NLRP12: variants seen among roughly 807,000 people sequenced by gnomAD.
NLRP12 encodes the protein NLR family pyrin domain containing 12.
In NLRP12, 108 loss-of-function variants were observed where a neutral mutation model predicts 91.2. The observed-to-expected ratio is 1.18, with a 90% confidence interval of 1.01 to 1.39. The LOEUF is 1.39. Ranked by LOEUF, NLRP12 falls within the 40% of genes most tolerant of loss-of-function variation. NLRP12 has a pLI of 0.00. For missense variants in NLRP12, 1,530 were observed against 1,352.7 expected, an observed-to-expected ratio of 1.13 and a Z score of -2.06; for synonymous variants, 613 against 566.7, an observed-to-expected ratio of 1.08 and a Z score of -1.16.
chr19:53,810,986 T>C lies in NLRP12; in HGVS notation c.673A>G (p.Met225Val). ...MQGAAGIGKS[M>V]LAHKVMLDWA... ...TCCAGCATCACCTTGTGTGCCAGCA[T>C]GGACTTGCCTATCCCTGCCGCGCCT... The change falls in exon 3 of 10, where the codon ATG becomes GTG. Residue 225 changes from methionine to valine, a missense_variant. By Grantham distance (21) the Met-to-Val change is conservative. Transcript: ENST00000324134. 3.1e-6 allele frequency: 5 copies of C among 1,614,174 alleles called. No individual in the cohort carries two copies. Among genetic ancestry groups the C allele is most frequent in the Non-Finnish European group, 4.2e-6 (5 of 1,180,030 alleles).
chr19:53,808,228 A>C, intron 3 of NLRP12: 1 of 183,196 alleles, frequency 5.5e-6, no homozygotes, highest in Non-Finnish European at 1.2e-5. Flanking sequence ...CAGCTAATTT[A>C]TTTTATATTT....
At position 53,810,292 on chromosome 19, in the gene NLRP12, G is replaced by A; in HGVS notation, c.1367C>T (p.Pro456Leu). ...CAAGGAGCACAACCCTCTCTGGTTG[G>A]GTGGGGGCTGGAGGCGCGGGGCCCC... Reference protein sequence around the residue: ...KPGAPRLQPPPNQRGLCSLAA... With the variant: ...KPGAPRLQPPLNQRGLCSLAA... Residue 456 changes from proline (P) to leucine (L), a missense_variant, in exon 3 of 10, where the codon CCC becomes CTC. Physicochemically the swap from Pro to Leu is moderately conservative, Grantham distance 98 (BLOSUM62 -3). Transcript: ENST00000324134. 1 of 1,613,974 alleles carries A rather than the reference G, an allele frequency of 6.2e-7. No individual in the cohort carries two copies. Among genetic ancestry groups the A allele is most frequent in the Non-Finnish European group, 8.5e-7 (1 of 1,180,020 alleles).
At chr19:53,798,220 C>A (rs778772485) in intron 8 of NLRP12, 23 bp downstream of exon 8, 28 of 1,613,972 alleles carry the variant, frequency 1.7e-5, no homozygotes, top group Non-Finnish European at 1.6e-5. Flanking sequence ...ACCACTGCCA[C>A]CCCGTCACTC....
intron 6 of NLRP12, among the ~76,000 whole-genome samples, chr19:53,802,579 C>A (rs113209913): frequency 1.3e-5 from 2 of 151,108 alleles, no homozygotes; most frequent in Non-Finnish European, 3.0e-5. Flanking sequence ...TGGTGGCAGG[C>A]GCCTGTAGTC....
intron 1 of NLRP12, among the ~76,000 whole-genome samples, chr19:53,823,425 T>TATATTTAAAAC (rs2092292973): frequency 3.7e-5 from 4 of 108,998 alleles, no homozygotes; most frequent in Non-Finnish European, 7.3e-5. Context: ...GTTTTAAATA[T>TATATTTAAAAC]ATATATTTAA....
At chr19:53,813,868 G>GTT (rs145771730) in intron 2 of NLRP12, among the ~76,000 whole-genome samples, 23 of 148,818 alleles carry the variant, frequency 1.5e-4, no homozygotes, top group Admixed American at 6.1e-4. Context: ...TCGATTTTTT[G>GTT]TTTTTTTTTG....
At chr19:53,808,438 A>T (rs1287421581) in intron 3 of NLRP12, 1 of 153,360 alleles carries the variant, frequency 6.5e-6, no homozygotes, top group Non-Finnish European at 1.4e-5. Flanking sequence ...GATAAAAGGG[A>T]TATAGAGGCT....
At chr19:53,800,931 A>T (rs2091858276) in intron 7 of NLRP12, among the ~76,000 whole-genome samples, 1 of 152,032 alleles carries the variant, frequency 6.6e-6, no homozygotes, top group African/African-American at 2.4e-5. Flanking sequence ...GCAGTGGCTC[A>T]AGCCTGTAAT....
Position 53,809,903 on chromosome 19 carries a change from G to C in NLRP12, c.1756C>G (p.His586Asp). The change falls in exon 3 of 10, where the codon CAC becomes GAC. Residue 586 changes from histidine (H) to aspartate (D), a missense_variant. Coordinates refer to ENST00000324134, the MANE Select transcript of NLRP12 (RefSeq NM_144687.4). ...EKSLCWKVSP[H>D]IKMDLLQWIQ... Reference sequence around the variant, plus strand: ...CACTGCAACAGGTCCATCTTGATGTGCGGCGAGACCTTCCAGCAGAGACTC... The same window carrying C: ...CACTGCAACAGGTCCATCTTGATGTCCGGCGAGACCTTCCAGCAGAGACTC... The C allele has an allele frequency of 6.2e-7, 1 of 1,614,032 alleles. No individual in the cohort carries two copies. Among genetic ancestry groups the C allele is most frequent in the South Asian group, 1.1e-5 (1 of 91,078 alleles).
intron 8 of NLRP12, among the ~76,000 whole-genome samples, chr19:53,798,026 C>A (rs1019011693): frequency 6.6e-6 from 1 of 152,216 alleles, no homozygotes; most frequent in South Asian, 2.1e-4. Flanking sequence ...TGCGCCATCG[C>A]GCCTGGCCTT....
rs780751328 is a variant in NLRP12, at chr19:53,811,225, G to T, written c.434C>A (p.Ala145Glu). ...GAGGTTGACACATTCCCCTAGGCGC[G>T]CATTGCGGTCTTCCATGAGCCGGAA... ...RKFRLMEDRN[A>E]RLGECVNLSH... Residue 145 changes from alanine to glutamate, a missense_variant, in exon 3 of 10, where the codon GCG becomes GAG. Ala to Glu is a moderately radical substitution (Grantham distance 107). Coordinates refer to ENST00000324134, the MANE Select transcript of NLRP12 (RefSeq NM_144687.4). The T allele has an allele frequency of 6.2e-7, 1 of 1,614,092 alleles. No individual in the cohort carries two copies. The highest frequency in any genetic ancestry group is 8.5e-7 in the Non-Finnish European group (1 of 1,180,016).
chr19:53,796,440 G>T (rs115680153), intron 8 of NLRP12, among the ~76,000 whole-genome samples: 1,657 of 151,970 alleles, frequency 0.011, 31 homozygotes, highest in African/African-American at 0.038. Flanking sequence ...GTAGAGAGAG[G>T]GTTTCACCTT....
At chr19:53,820,337 C>A (rs896412888) in intron 1 of NLRP12, among the ~76,000 whole-genome samples, 3 of 152,108 alleles carry the variant, frequency 2.0e-5, no homozygotes, top group African/African-American at 7.2e-5. Context: ...CGAGACCAGC[C>A]TGACCAACAC....
intron 4 of NLRP12, among the ~76,000 whole-genome samples, chr19:53,807,132 A>G (rs931283108): frequency 1.3e-5 from 2 of 151,960 alleles, no homozygotes; most frequent in African/African-American, 4.8e-5. Flanking sequence ...CAGTGGCACA[A>G]TCCCGGCTCA....
At position 53,801,355 on chromosome 19, in the gene NLRP12, C is replaced by T; in HGVS notation, c.2628G>A (p.Leu876=). 1.2e-6 allele frequency: 2 copies of T among 1,613,954 alleles called. No homozygotes were observed. The highest frequency in any genetic ancestry group is 1.1e-5 in the South Asian group (1 of 91,080). Residue 876 remains leucine, a synonymous_variant, in exon 7 of 10, where the codon CTG becomes CTA. Transcript: ENST00000324134. Reference sequence around the variant, plus strand: ...TCTGGTTCACACTGAGAGTTGAGGCCAGCTCGTCACAGGCAGCAGCAGTGA... The same window carrying T: ...TCTGGTTCACACTGAGAGTTGAGGCTAGCTCGTCACAGGCAGCAGCAGTGA... ...CRLTAAACDE[L]ASTLSVNQSL...
At position 53,804,142 on chromosome 19, in the gene NLRP12, T is replaced by G. The variant is rs1432095321; in HGVS notation, c.2415-20A>C. 1 of 1,613,372 alleles carries G rather than the reference T, an allele frequency of 6.2e-7. No homozygotes were observed. Among genetic ancestry groups the G allele is most frequent in the African/African-American group, 1.3e-5 (1 of 74,900 alleles). On this transcript the variant is annotated intron_variant, in intron 5 of 9. Coordinates refer to ENST00000324134, the MANE Select transcript of NLRP12 (RefSeq NM_144687.4). Reference sequence around the variant, plus strand: ...CTCAACCTTGGGAGGAAGGAGAGGTTGAAGGGGACGCCATCTTGCTTTTCT... The same window carrying G: ...CTCAACCTTGGGAGGAAGGAGAGGTGGAAGGGGACGCCATCTTGCTTTTCT...
rs1349204824 is a variant in NLRP12, at chr19:53,805,379, A to G, written c.2315T>C (p.Leu772Ser). Residue 772 changes from leucine to serine, a missense_variant, in exon 5 of 10, where the codon TTG becomes TCG. By Grantham distance (145) the Leu-to-Ser change is moderately radical. Transcript: ENST00000324134. ...LSAALIANKN[L>S]TRMDLSGNGV... ...GTTGCCACTGAGATCCATCCTTGTC[A>G]AATTCTTATTGGCTATGAGAGCTGC... 6.2e-7 allele frequency: 1 copy of G among 1,613,988 alleles called. No individual in the cohort carries two copies. Among genetic ancestry groups the G allele is most frequent in the South Asian group, 1.1e-5 (1 of 91,074 alleles).
At chr19:53,815,491 T>G (rs2092144878) in intron 1 of NLRP12, among the ~76,000 whole-genome samples, 1 of 152,016 alleles carries the variant, frequency 6.6e-6, no homozygotes, top group Non-Finnish European at 1.5e-5. Context: ...CCTCCCAAAG[T>G]GCTGGGTTTA....
rs2091812316 is a variant in NLRP12, at chr19:53,798,534, T to G, written c.2757-121A>C. 3.2e-6 allele frequency: 3 copies of G among 944,392 alleles called. No homozygotes were observed. In the Admixed American group the frequency reaches 6.2e-5, roughly 20 times the overall value. The allele number at this position is 944,392 out of a possible 1,614,324, so 58.5% of individuals were successfully genotyped here. ...GAGGGACAGACTCAATCTCTACCCTTGAGAGACAAAAAGAAAAAGACGACA... is the reference window on the plus strand; with the variant it reads ...GAGGGACAGACTCAATCTCTACCCTGGAGAGACAAAAAGAAAAAGACGACA... On this transcript the variant is annotated intron_variant, in intron 7 of 9. Transcript: ENST00000324134.
Sources: gnomAD v4.1 joint callset for allele counts (sites outside exome capture counted in the v4.1 genomes callset) on GRCh38, gnomAD v4.1.1 for gene constraint, MANE v1.5 for transcripts, NCBI Gene and HGNC (gene_info 2026-07-23, HGNC 2026-07-21) for gene names.